Variants in KPNA4 observed in about 807,000 individuals in gnomAD.
KPNA4 encodes the protein importin subunit alpha-3.
Under a neutral mutation model 71.3 loss-of-function variants are expected in KPNA4, and 13 were observed. The ratio of observed to expected loss-of-function variants is 0.18; its 90% CI spans 0.12 to 0.29. The LOEUF (loss-of-function observed/expected upper bound fraction) is 0.29. Ranked by LOEUF, KPNA4 falls within the 10% of genes least tolerant of loss-of-function variation. The pLI is 1.00. For missense variants in KPNA4, 334 were observed against 603.2 expected, an observed-to-expected ratio of 0.55 and a Z score of 4.67; for synonymous variants, 189 against 195.2, an observed-to-expected ratio of 0.97 and a Z score of 0.26.
chr3:160,547,254 T>C (rs2108558075), intron 1 of KPNA4, among the ~76,000 whole-genome samples: 1 of 152,342 alleles, frequency 6.6e-6, no homozygotes. Context: ...AATCTCCCTT[T>C]ATTCACAATC....
chr3:160,507,372 C>T (rs1326627992), intron 15 of KPNA4, among the ~76,000 whole-genome samples: 2 of 151,944 alleles, frequency 1.3e-5, no homozygotes, highest in African/African-American at 2.4e-5. Context: ...TGGTGGCAGG[C>T]GCCTGTAATC....
At chr3:160,546,830 A>G (rs1319115584) in intron 1 of KPNA4, among the ~76,000 whole-genome samples, 2 of 152,150 alleles carry the variant, frequency 1.3e-5, no homozygotes, top group Non-Finnish European at 2.9e-5. Context: ...CGTCTCATTT[A>G]TTGTGGTATA....
intron 1 of KPNA4, among the ~76,000 whole-genome samples, chr3:160,558,394 T>C (rs1422176438): frequency 6.6e-6 from 1 of 152,208 alleles, no homozygotes; most frequent in East Asian, 1.9e-4. Flanking sequence ...TGTATGACTA[T>C]GTAAGTTGGC....
At chr3:160,536,381 C>A (rs1165067384) in intron 2 of KPNA4, among the ~76,000 whole-genome samples, 1 of 151,988 alleles carries the variant, frequency 6.6e-6, no homozygotes, top group East Asian at 1.9e-4. Flanking sequence ...ATGCTTGGAG[C>A]AAATTTATAA....
chr3:160,540,128 T>C (rs1035275472), intron 1 of KPNA4, among the ~76,000 whole-genome samples: 5 of 151,224 alleles, frequency 3.3e-5, no homozygotes, highest in Admixed American at 2.6e-4. Context: ...GCCTCCTGAG[T>C]AGCTGGGACT....
intron 1 of KPNA4, among the ~76,000 whole-genome samples, chr3:160,546,301 T>C (rs1721905730): frequency 6.6e-6 from 1 of 152,180 alleles, no homozygotes; most frequent in Non-Finnish European, 1.5e-5. Flanking sequence ...GTGGATCACT[T>C]GAGGTCAGGA....
chr3:160,502,716 G>C (rs1352774624), intron 16 of KPNA4, among the ~76,000 whole-genome samples: 3 of 152,128 alleles, frequency 2.0e-5, no homozygotes, highest in Non-Finnish European at 2.9e-5. Context: ...AAGAGAATAT[G>C]TAAGACGGGC....
intron 8 of KPNA4, 40 bp from the exon 9 acceptor site, chr3:160,526,147 T>C (rs757455946): frequency 7.2e-6 from 10 of 1,394,056 alleles, no homozygotes; most frequent in Admixed American, 2.6e-5. Flanking sequence ...TAAAACATAC[T>C]GACAGTAAGC....
chr3:160,512,224 A>C (rs553594863), intron 13 of KPNA4, among the ~76,000 whole-genome samples: 1 of 152,192 alleles, frequency 6.6e-6, no homozygotes, highest in Non-Finnish European at 1.5e-5. Flanking sequence ...ATCAGAAAAC[A>C]TGTAAGATAG....
At chr3:160,533,975 A>C (rs1478004992) in intron 5 of KPNA4, among the ~76,000 whole-genome samples, 1 of 152,178 alleles carries the variant, frequency 6.6e-6, no homozygotes. Context: ...ATAAACATTA[A>C]TTTGCTATTT....
At chr3:160,502,259 G>A in intron 16 of KPNA4, 57 bp from the exon 17 acceptor site, 3 of 876,050 alleles carry the variant, frequency 3.4e-6, no homozygotes, top group Non-Finnish European at 3.5e-6. Flanking sequence ...TATATAAACA[G>A]TATTATAGTA....
intron 5 of KPNA4, among the ~76,000 whole-genome samples, chr3:160,533,853 C>T (rs1721623188): frequency 6.6e-6 from 1 of 152,340 alleles, no homozygotes; most frequent in South Asian, 2.1e-4. Context: ...TCTTAGGGTA[C>T]ACTGGGCTTT....
rs528351646 is a variant in KPNA4, at chr3:160,499,634, G to A, written c.*2470C>T. 1 of 152,098 alleles carries A rather than the reference G, an allele frequency of 6.6e-6. No individual in the cohort carries two copies. The highest frequency in any genetic ancestry group is 2.1e-4 in the South Asian group (1 of 4,824). The allele number at this position is 152,098 out of a possible 1,614,324, so 9.4% of individuals were successfully genotyped here. A position where few individuals can be genotyped will look rare whatever the true frequency, so the allele number is the denominator to read the frequency against. On this transcript the variant is annotated 3_prime_UTR_variant, in exon 17 of 17. Transcript: ENST00000334256. ...ATAGATGGAAATAAAATATTTAAAC[G>A]ATAAGGTAGTCCTTATACCCAGAGA... is the stretch of plus-strand genomic sequence containing the variant.
chr3:160,565,443 C>A lies in KPNA4; in HGVS notation c.-161G>T. 1.7e-6 allele frequency: 1 copy of A among 605,552 alleles called. No individual in the cohort carries two copies. Among genetic ancestry groups the A allele is most frequent in the South Asian group, 2.0e-5 (1 of 51,030 alleles). The allele number at this position is 605,552 out of a possible 1,614,324, so 37.5% of individuals were successfully genotyped here. A position where few individuals can be genotyped will look rare whatever the true frequency, so the allele number is the denominator to read the frequency against. Reference sequence around the variant, plus strand: ...TCACCTGCCTCCGCCGCGGCCTTCTCCTCTCCCCGCCCGCCCCCCCGCCCT... The same window carrying A: ...TCACCTGCCTCCGCCGCGGCCTTCTACTCTCCCCGCCCGCCCCCCCGCCCT... On this transcript the variant is annotated 5_prime_UTR_variant, in exon 1 of 17. Coordinates refer to ENST00000334256, the MANE Select transcript of KPNA4 (RefSeq NM_002268.5).
At chr3:160,530,994 A>T in intron 6 of KPNA4, 54 bp from the exon 7 acceptor site, 1 of 1,145,156 alleles carries the variant, frequency 8.7e-7, no homozygotes, top group Non-Finnish European at 1.3e-6. Context: ...ATTGGGCCAA[A>T]TATCTAACCA....
intron 13 of KPNA4, among the ~76,000 whole-genome samples, chr3:160,513,297 TCAGGCTGGAATGCAATGG>T (rs1219487251): frequency 1.5e-5 from 2 of 129,878 alleles, no homozygotes; most frequent in African/African-American, 5.6e-5. Context: ...GCTCTGTCAC[TCAGGCTGGAATGCAATGG>T]CATGACCATG....
chr3:160,562,050 T>C (rs1379540695), intron 1 of KPNA4, among the ~76,000 whole-genome samples: 1 of 152,172 alleles, frequency 6.6e-6, no homozygotes, highest in Non-Finnish European at 1.5e-5. Flanking sequence ...TCTAGGACTC[T>C]GTATTCTTCA....
rs1720858987 is a variant in KPNA4, at chr3:160,500,609, C to A, written c.*1495G>T. 1 of 152,592 alleles carries A rather than the reference C, an allele frequency of 6.6e-6. No individual in the cohort carries two copies. Among genetic ancestry groups the A allele is most frequent in the South Asian group, 2.1e-4 (1 of 4,830 alleles). The allele number at this position is 152,592 out of a possible 1,614,324, so 9.5% of individuals were successfully genotyped here. On this transcript the variant is annotated 3_prime_UTR_variant, in exon 17 of 17. Transcript: ENST00000334256. ...GAGGTATTATTCCAATTTATAAAAA[C>A]CACTTGCATAACTTTTATGCAAGTT...
intron 1 of KPNA4, among the ~76,000 whole-genome samples, chr3:160,543,709 T>C (rs1721851293): frequency 6.6e-6 from 1 of 152,156 alleles, no homozygotes; most frequent in Non-Finnish European, 1.5e-5. Flanking sequence ...GCAATGTAGT[T>C]TCTATGCTAA....
Sources: allele counts gnomAD v4.1 joint callset (sites outside exome capture counted in the v4.1 genomes callset), GRCh38; gene constraint gnomAD v4.1.1; transcripts MANE v1.5; gene names NCBI Gene and HGNC (gene_info 2026-07-23, HGNC 2026-07-21).